The following TNR variants were observed in gnomAD, a reference collection of about 807,000 sequenced individuals.
The protein encoded by TNR is tenascin-R.
A neutral mutation model predicts 150.4 loss-of-function variants in TNR; 45 were observed. The ratio of observed to expected loss-of-function variants is 0.30; its 90% confidence interval spans 0.24 to 0.38. The LOEUF (loss-of-function observed/expected upper bound fraction) is 0.38. Ranked by LOEUF, TNR falls within the 10% of genes least tolerant of loss-of-function variation. The pLI is 1.00. For synonymous variants in TNR, 687 were observed against 678.4 expected (o/e 1.01, Z -0.20); for missense variants, 1,544 against 1,759.1 (o/e 0.88, Z 2.19).
intron 1 of TNR, among the ~76,000 whole-genome samples, chr1:175,716,297 T>C (rs1168012394): frequency 6.6e-6 from 1 of 152,200 alleles, no homozygotes; most frequent in Non-Finnish European, 1.5e-5. Context: ...TTGCTGGGCA[T>C]TCCTGTCTGA....
chr1:175,351,459 G>T lies in TNR; in HGVS notation c.3382+2932C>A, dbSNP rs554421219. ...TGGGCATCACATCATACTCTTGAAG[G>T]TTATACCTCTTTGCCTGTCTTATCC... On this transcript the variant is annotated intron_variant, in intron 18 of 22. Transcript: ENST00000367674. Among the ~76,000 whole-genome samples the T allele has an allele frequency of 1.1e-4, 17 of 152,272 alleles. No homozygotes were observed. In the South Asian group the frequency reaches 3.5e-3, roughly 32 times the overall value.
intron 2 of TNR, among the ~76,000 whole-genome samples, chr1:175,461,926 C>G (rs1197306957): frequency 6.6e-6 from 1 of 152,214 alleles, no homozygotes; most frequent in Non-Finnish European, 1.5e-5. Flanking sequence ...AGTCTAGGCT[C>G]TGTCACTTTA....
chr1:175,504,086 G>A (rs1219894958), intron 2 of TNR, among the ~76,000 whole-genome samples: 1 of 152,142 alleles, frequency 6.6e-6, no homozygotes. Context: ...CACTTGTTTT[G>A]CCAATGATGA....
intron 1 of TNR, among the ~76,000 whole-genome samples, chr1:175,709,453 C>T (rs1383905094): frequency 6.6e-6 from 1 of 152,130 alleles, no homozygotes; most frequent in Non-Finnish European, 1.5e-5. Flanking sequence ...CCCAAATCCC[C>T]CATTTATTAA....
intron 1 of TNR, among the ~76,000 whole-genome samples, chr1:175,615,447 G>A (rs749580129): frequency 1.3e-5 from 2 of 151,984 alleles, no homozygotes; most frequent in African/African-American, 2.4e-5. Flanking sequence ...GAGATGCTTC[G>A]GTGATGTTGA....
intron 1 of TNR, among the ~76,000 whole-genome samples, chr1:175,721,209 T>C (rs985572565): frequency 5.9e-5 from 9 of 152,208 alleles, no homozygotes; most frequent in Non-Finnish European, 1.2e-4. Flanking sequence ...ACTTCCCACA[T>C]ACCCTGTGAG....
In TNR at chr1:175,356,456, C is replaced by T. The variant is rs758678378; in HGVS notation, c.2981G>A (p.Gly994Glu). ...GACTCCGTCAACAAGGATGGTCTCTCCAGCGACTGAACTCAAATGAATATG... is the reference window on the plus strand; with the variant it reads ...GACTCCGTCAACAAGGATGGTCTCTTCAGCGACTGAACTCAAATGAATATG... Reference protein sequence around the residue: ...VIVLTHFAVAGETILVDGVSE... With the variant: ...VIVLTHFAVAEETILVDGVSE... Residue 994 changes from glycine (G) to glutamate (E), a missense_variant, in exon 16 of 23, where the codon GGA becomes GAA. Gly to Glu is a moderately conservative substitution (Grantham distance 98). Coordinates refer to ENST00000367674, the MANE Select transcript of TNR (RefSeq NM_003285.3). 1.2e-6 allele frequency: 2 copies of T among 1,613,736 alleles called. No individual in the cohort carries two copies. Among genetic ancestry groups the T allele is most frequent in the Non-Finnish European group, 1.7e-6 (2 of 1,179,808 alleles).
intron 1 of TNR, among the ~76,000 whole-genome samples, chr1:175,661,549 G>C (rs898258273): frequency 6.6e-6 from 1 of 152,030 alleles, no homozygotes; most frequent in Non-Finnish European, 1.5e-5. Flanking sequence ...ACGTTGTACT[G>C]CTCCACCCAA....
chr1:175,348,842 A>G (rs1324982823), intron 18 of TNR, among the ~76,000 whole-genome samples: 1 of 152,244 alleles, frequency 6.6e-6, no homozygotes, highest in African/African-American at 2.4e-5. Flanking sequence ...GCTGAAAAGC[A>G]AAGAAAGACT....
intron 1 of TNR, among the ~76,000 whole-genome samples, chr1:175,533,953 C>T (rs1033506827): frequency 2.0e-5 from 3 of 152,136 alleles, no homozygotes; most frequent in Admixed American, 6.5e-5. Context: ...ATTAACACCC[C>T]GCTCCTCCTC....
intron 1 of TNR, among the ~76,000 whole-genome samples, chr1:175,705,043 C>T (rs1416084832): frequency 6.6e-6 from 1 of 152,142 alleles, no homozygotes; most frequent in Non-Finnish European, 1.5e-5. Context: ...TCTCCTTCAG[C>T]TGGGCTAAGG....
At chr1:175,496,565 C>A (rs1405342796) in intron 2 of TNR, among the ~76,000 whole-genome samples, 1 of 152,188 alleles carries the variant, frequency 6.6e-6, no homozygotes, top group Non-Finnish European at 1.5e-5. Context: ...TAGCGCTTAA[C>A]ATTTATTAAC....
rs539511707 is a variant in TNR at position 175,617,888 on chromosome 1, T to A, written c.-164-89519A>T. ...TAGTTTTCATTTTACCCATTTTAGA[T>A]CAGGAAACTGATACTCAGAAAGGTT... On this transcript the variant is annotated intron_variant, in intron 1 of 22. Transcript: ENST00000367674. Among the ~76,000 whole-genome samples, 10 of 152,330 alleles carry A rather than the reference T, an allele frequency of 6.6e-5. No homozygotes were observed. In the South Asian group the frequency reaches 1.9e-3, roughly 28 times the overall value.
At chr1:175,620,146 G>A (rs1334340810) in intron 1 of TNR, among the ~76,000 whole-genome samples, 2 of 152,148 alleles carry the variant, frequency 1.3e-5, no homozygotes, top group Non-Finnish European at 2.9e-5. Context: ...GTGATTTCAG[G>A]GGCCCAGAGG....
chr1:175,370,828 G>A (rs866121315), intron 9 of TNR, among the ~76,000 whole-genome samples: 1 of 152,200 alleles, frequency 6.6e-6, no homozygotes, highest in Middle Eastern at 3.4e-3. Flanking sequence ...TTTCATCCCA[G>A]TTTCTTATTT....
chr1:175,681,483 T>A (rs937451815), intron 1 of TNR, among the ~76,000 whole-genome samples: 3 of 152,116 alleles, frequency 2.0e-5, no homozygotes, highest in Non-Finnish European at 4.4e-5. Flanking sequence ...GAAGGCTCCA[T>A]CTATAGGGAG....
At chr1:175,478,375 G>A (rs1025963141) in intron 2 of TNR, among the ~76,000 whole-genome samples, 4 of 152,196 alleles carry the variant, frequency 2.6e-5, no homozygotes, top group Admixed American at 1.3e-4. Flanking sequence ...GAGTGCAATC[G>A]AGGGCAGAAA....
chr1:175,461,370 CT>C (rs1656813678), intron 2 of TNR, among the ~76,000 whole-genome samples: 1 of 152,202 alleles, frequency 6.6e-6, no homozygotes, highest in Non-Finnish European at 1.5e-5. Flanking sequence ...TTTACCTCCC[CT>C]GGCTCACCTT....
At chr1:175,691,176 A>AGCAGAGCAGAACAAGGTAGCTCT (rs1553254246) in intron 1 of TNR, among the ~76,000 whole-genome samples, 3 of 150,832 alleles carry the variant, frequency 2.0e-5, no homozygotes, top group Admixed American at 1.3e-4. Context: ...AACACCCAGC[A>AGCAGAGCAGAACAAGGTAGCTCT]GCAGAGCAGA....
Sources: allele counts gnomAD v4.1 joint callset (sites outside exome capture counted in the v4.1 genomes callset), GRCh38; gene constraint gnomAD v4.1.1; transcripts MANE v1.5; gene names NCBI Gene and HGNC (gene_info 2026-07-23, HGNC 2026-07-21).